GDPD2: variants seen among roughly 807,000 people sequenced by gnomAD.
GDPD2 encodes the protein glycerophosphodiester phosphodiesterase domain containing 2.
A neutral mutation model predicts 49.2 loss-of-function variants in GDPD2; 23 were observed. The ratio of observed to expected loss-of-function variants is 0.47; its 90% CI spans 0.34 to 0.66. The LOEUF (loss-of-function observed/expected upper bound fraction) is 0.66, where lower values mean the gene tolerates loss of function less well. Among genes scored for constraint, GDPD2 ranks in the 30% least tolerant of loss-of-function variants. The pLI is 0.01. For missense variants in GDPD2, 338 were observed against 424.7 expected (o/e 0.80, Z 1.79); for synonymous variants, 167 against 171.4 (o/e 0.97, Z 0.20).
In GDPD2 at chrX:70,426,922, GC is replaced by G; in HGVS notation, c.619del (p.Leu207TyrfsTer35). 1 of 1,205,700 alleles carries G rather than the reference GC, an allele frequency of 8.3e-7. No individual in the cohort carries two copies. Among genetic ancestry groups the G allele is most frequent in the Non-Finnish European group, 1.1e-6 (1 of 890,340 alleles). ...FFGVVLVIYL[A>X]PLCISSPCIM... Reference sequence around the variant, plus strand: ...TGGAGTTGTCCTGGTCATCTACTTGGCCCCCCTATGCATCTCCTCACCCTGC... The same window carrying G: ...TGGAGTTGTCCTGGTCATCTACTTGGCCCCCTATGCATCTCCTCACCCTGC... On this transcript the variant is annotated frameshift_variant, in exon 8 of 16. Transcript: ENST00000374382. LOFTEE classifies it high-confidence loss of function.
chrX:70,427,404 A>T lies in GDPD2; in HGVS notation c.877A>T (p.Ser293Cys), dbSNP rs779842598. 5.0e-6 allele frequency: 6 copies of T among 1,207,524 alleles called. No homozygotes were observed. Among genetic ancestry groups the T allele is most frequent in the Admixed American group, 2.2e-5 (1 of 46,067 alleles). Residue 293 changes from serine (S) to cysteine (C), a missense_variant, in exon 10 of 16, where the codon AGC (serine) becomes TGC (cysteine). Ser to Cys is a moderately radical substitution (Grantham distance 112). This residue lies in a region of GDPD2 where 253 missense variants were observed against 330.4 expected (regional missense o/e 0.77). Coordinates refer to ENST00000374382, the MANE Select transcript of GDPD2 (RefSeq NM_017711.4). The part of the protein sequence containing the change: ...SVFPTRITAH[S>C]SDFSWTELKR... ...ATTCCCAACCCGAATCACAGCCCAC[A>T]GCAGTGACTTCTCCTGGACTGAACT... is the stretch of plus-strand genomic sequence containing the variant.
chrX:70,425,897 C>T (rs1178951640), intron 4 of GDPD2, 41 bp downstream of exon 4: 1 of 936,729 alleles, frequency 1.1e-6, no homozygotes, highest in South Asian at 1.9e-5. Context: ...CCTCAGCCTT[C>T]CTTCCTGCTT....
At chrX:70,425,660 C>T (rs1415922790) in intron 3 of GDPD2, 103 bp from the exon 4 acceptor site, 2 of 580,296 alleles carry the variant, frequency 3.4e-6, no homozygotes, top group Non-Finnish European at 6.1e-6. Context: ...GGGCTTTCTC[C>T]TCACTCCCTT....
At chrX:70,431,319 T>C (rs1204276964) in intron 12 of GDPD2, among the ~76,000 whole-genome samples, 4 of 112,437 alleles carry the variant, frequency 3.6e-5, no homozygotes, top group African/African-American at 1.3e-4. Flanking sequence ...TGTAAAAAGA[T>C]AGGCCAAATC....
chrX:70,425,885 C>A, intron 4 of GDPD2, 29 bp downstream of exon 4: 1 of 964,287 alleles, frequency 1.0e-6, no homozygotes, highest in East Asian at 3.0e-5. Flanking sequence ...GGCCTAACCC[C>A]ACCTCAGCCT....
chrX:70,430,927 T>C, intron 12 of GDPD2: 1 of 432,284 alleles, frequency 2.3e-6, no homozygotes, highest in Non-Finnish European at 4.0e-6. Flanking sequence ...GCTAGGACTA[T>C]AGGCACACAC....
chrX:70,427,339 A>G lies in GDPD2; in HGVS notation c.812A>G (p.His271Arg). 1 of 1,210,803 alleles carries G rather than the reference A, an allele frequency of 8.3e-7. No individual in the cohort carries two copies. Among genetic ancestry groups the G allele is most frequent in the Non-Finnish European group, 1.1e-6 (1 of 894,666 alleles). ...TCCGATGGGGTCCCCTTCCTCATGC[A>G]TGATGAGCACCTCAGCAGGACCACG... is the stretch of plus-strand genomic sequence containing the variant. ...VSSDGVPFLM[H>R]DEHLSRTTNV... The change falls in exon 10 of 16, where the codon CAT becomes CGT. Residue 271 changes from histidine (H) to arginine (R), a missense_variant. Physicochemically the swap from His to Arg is conservative, Grantham distance 29. Transcript: ENST00000374382.
At position 70,425,868 on chromosome X, in the gene GDPD2, GGCCGCTGGCCTAACCCCACCTCA is replaced by G; in HGVS notation, c.303+16_303+38del. The stretch of plus-strand genomic sequence containing the variant: ...CATCCTTGCTATTGGTGGGTCCGGA[GGCCGCTGGCCTAACCCCACCTCA>G]GCCTTCCTTCCTGCTTAGTTTTAGC... On this transcript the variant is annotated intron_variant, in intron 4 of 15. Transcript: ENST00000374382. 9.5e-7 allele frequency: 1 copy of G among 1,053,411 alleles called. No individual in the cohort carries two copies. 86.8% of individuals were successfully genotyped at this position (1,053,411 alleles called of 1,213,427 possible). A position where few individuals can be genotyped will look rare whatever the true frequency, so the allele number is the denominator to read the frequency against.
chrX:70,429,724 C>A lies in GDPD2; in HGVS notation c.1158+10C>A, dbSNP rs1295021401. ...GGTGCCCCAAGCCATGGTGATGTTG[C>A]CAGGACCCCCTCTCCCCACCCTGCC... On this transcript the variant is annotated intron_variant, in intron 11 of 15. Coordinates refer to ENST00000374382, the MANE Select transcript of GDPD2 (RefSeq NM_017711.4). The A allele has an allele frequency of 8.8e-7, 1 of 1,142,709 alleles. No individual in the cohort carries two copies. Among genetic ancestry groups the A allele is most frequent in the Non-Finnish European group, 1.2e-6 (1 of 834,578 alleles). The allele number at this position is 1,142,709 out of a possible 1,213,427, so 94.2% of individuals were successfully genotyped here.
chrX:70,429,800 G>A (rs779316426), intron 11 of GDPD2, 86 bp downstream of exon 11: 16 of 1,063,194 alleles, frequency 1.5e-5, no homozygotes, highest in Non-Finnish European at 2.1e-5. Flanking sequence ...CCTACCCCCA[G>A]GGCCCTGCCC....
chrX:70,429,841 C>G (rs763707430), intron 11 of GDPD2, 74 bp from the exon 12 acceptor site: 1 of 1,136,817 alleles, frequency 8.8e-7, no homozygotes, highest in Non-Finnish European at 1.2e-6. Context: ...GTGGTCAAAA[C>G]TGTTTGCCCC....
At chrX:70,430,950 CTA>C in intron 12 of GDPD2, 9 of 427,142 alleles carry the variant, frequency 2.1e-5, no homozygotes, top group Non-Finnish European at 3.6e-5. Flanking sequence ...CTATGCAAGG[CTA>C]TTTTTTTTTT....
chrX:70,425,647 G>A (rs749520226), intron 3 of GDPD2, 116 bp from the exon 4 acceptor site: 19 of 560,621 alleles, frequency 3.4e-5, no homozygotes, highest in East Asian at 1.3e-4. Context: ...CCCTGGCCAC[G>A]AGGGGCTTTC....
rs1569260926 is a variant in GDPD2, at chrX:70,429,537, G to A, written c.981G>A (p.Gln327=). ...WGAKPLAGPD[Q]KEAESQTVPA... ...CCAAACCGCTGGCAGGCCCTGATCAGAAAGAGGCTGAGAGTCAGACGGTAC... is the reference window on the plus strand; with the variant it reads ...CCAAACCGCTGGCAGGCCCTGATCAAAAAGAGGCTGAGAGTCAGACGGTAC... The change falls in exon 11 of 16, where the codon CAG becomes CAA. Residue 327 remains glutamine (Q), a synonymous_variant. Transcript: ENST00000374382. 8.3e-7 allele frequency: 1 copy of A among 1,209,489 alleles called. No individual in the cohort carries two copies. Among genetic ancestry groups the A allele is most frequent in the Admixed American group, 2.2e-5 (1 of 46,071 alleles).
intron 1 of GDPD2, among the ~76,000 whole-genome samples, chrX:70,423,894 C>T (rs1031898281): frequency 9.0e-6 from 1 of 111,645 alleles, no homozygotes; most frequent in African/African-American, 3.3e-5. Context: ...TCCCTCAGCC[C>T]GCACGCACAC....
chrX:70,425,105 A>AG lies in GDPD2; in HGVS notation c.105+22dup. ...AACCAGCAAGGTGGAGTAGGGATGG[A>AG]GGGGGGAGGCTGGAAGTCAGAAGGC... On this transcript the variant is annotated intron_variant, in intron 2 of 15. Transcript: ENST00000374382. 9.0e-7 allele frequency: 1 copy of AG among 1,106,023 alleles called. No homozygotes were observed. The allele number at this position is 1,106,023 out of a possible 1,213,427, so 91.1% of individuals were successfully genotyped here. A position where few individuals can be genotyped will look rare whatever the true frequency, so the allele number is the denominator to read the frequency against.
Position 70,425,363 on chromosome X carries a change from A to G in GDPD2, c.115A>G (p.Ile39Val), listed in dbSNP as rs755994286. The stretch of plus-strand genomic sequence containing the variant: ...TCCTGCCCCTTTGCAGTGCGACTGT[A>G]TCTGGTTTGGCCTGCTCTTCCTCAC... ...ERMQTSKCDC[I>V]WFGLLFLTFL... The change falls in exon 3 of 16, where the codon ATC becomes GTC. Residue 39 changes from isoleucine to valine, a missense_variant. Coordinates refer to ENST00000374382, the MANE Select transcript of GDPD2 (RefSeq NM_017711.4). 4 of 1,190,786 alleles carry G rather than the reference A, an allele frequency of 3.4e-6. No homozygotes were observed. In the East Asian group the frequency reaches 1.2e-4, roughly 35 times the overall value.
chrX:70,424,824 C>A (rs1050544009), intron 1 of GDPD2, among the ~76,000 whole-genome samples, 152 bp from the exon 2 acceptor site: 1 of 112,936 alleles, frequency 8.9e-6, no homozygotes, highest in African/African-American at 3.2e-5. Context: ...TCGCCTCATC[C>A]ACTCTGGCAC....
At chrX:70,430,903 A>C in intron 12 of GDPD2, 4 of 411,553 alleles carry the variant, frequency 9.7e-6, no homozygotes, top group Non-Finnish European at 1.7e-5. Flanking sequence ...CCTGGGCTCA[A>C]GTGATCCTGA....
Sources: allele counts gnomAD v4.1 joint callset (sites outside exome capture counted in the v4.1 genomes callset), GRCh38; gene constraint gnomAD v4.1.1; regional missense constraint gnomAD v4.1.1; transcripts MANE v1.5; gene names NCBI Gene and HGNC (gene_info 2026-07-23, HGNC 2026-07-21).